ADAMTS17: variants seen among roughly 807,000 people sequenced by gnomAD.
ADAMTS17 encodes A disintegrin and metalloproteinase with thrombospondin motifs 17.
ADAMTS17 carries 113 observed loss-of-function variants against 141.5 expected under a neutral mutation model. The ratio of observed to expected loss-of-function variants is 0.80; its 90% CI spans 0.69 to 0.93. The LOEUF (loss-of-function observed/expected upper bound fraction) is 0.93, where lower values mean the gene tolerates loss of function less well. Ranked by LOEUF, ADAMTS17 falls within the 40% of genes least tolerant of loss-of-function variation. ADAMTS17 has a pLI of 0.00. For synonymous variants in ADAMTS17, 768 were observed against 630.6 expected, an observed-to-expected ratio of 1.22 and a Z score of -3.27; for missense variants, 1,659 against 1,517.9, an observed-to-expected ratio of 1.09 and a Z score of -1.54.
chr15:99,973,999 C>G lies in ADAMTS17; in HGVS notation c.*403G>C. 1 of 326,972 alleles carries G rather than the reference C, an allele frequency of 3.1e-6. No individual in the cohort carries two copies. The highest frequency in any genetic ancestry group is 5.9e-6 in the Non-Finnish European group (1 of 170,144). 20.3% of individuals were successfully genotyped at this position (326,972 alleles called of 1,614,324 possible). ...GGTGTCGCCGGCTTTCAGAATAAAG[C>G]CTTTTCTAGCATGTCTCGTTTTGGG... On this transcript the variant is annotated 3_prime_UTR_variant, in exon 22 of 22. Coordinates refer to ENST00000268070, the MANE Select transcript of ADAMTS17 (RefSeq NM_139057.4).
chr15:100,011,584 C>T (rs1028398458), intron 18 of ADAMTS17, among the ~76,000 whole-genome samples: 3 of 152,058 alleles, frequency 2.0e-5, no homozygotes, highest in African/African-American at 7.3e-5. Flanking sequence ...TTCAGAGCTT[C>T]CTATGTGCCA....
chr15:100,230,240 A>C (rs1012592251), intron 7 of ADAMTS17, among the ~76,000 whole-genome samples: 1 of 152,244 alleles, frequency 6.6e-6, no homozygotes, highest in Non-Finnish European at 1.5e-5. Flanking sequence ...CGAAAGCCAC[A>C]CTTGCAGACC....
intron 8 of ADAMTS17, among the ~76,000 whole-genome samples, chr15:100,159,481 T>C (rs1050608652): frequency 6.6e-6 from 1 of 152,254 alleles, no homozygotes; most frequent in South Asian, 2.1e-4. Context: ...TAAATTTGAC[T>C]TAGGGTTTGA....
At chr15:100,262,480 T>A in intron 4 of ADAMTS17, 45 bp from the exon 5 acceptor site, 1 of 1,530,904 alleles carries the variant, frequency 6.5e-7, no homozygotes, top group Non-Finnish European at 8.9e-7. Flanking sequence ...GATAAAAAAT[T>A]TTAAAAATAC....
chr15:100,017,507 C>T (rs999348917), intron 18 of ADAMTS17, among the ~76,000 whole-genome samples: 1 of 152,246 alleles, frequency 6.6e-6, no homozygotes, highest in Non-Finnish European at 1.5e-5. Context: ...GAATGGCCTG[C>T]TTGGGGACCC....
chr15:100,226,184 TTCCGTCCTCAGAGCAG>T (rs2042308213), intron 7 of ADAMTS17, among the ~76,000 whole-genome samples: 1 of 152,250 alleles, frequency 6.6e-6, no homozygotes, highest in Non-Finnish European at 1.5e-5. Flanking sequence ...CTCTGTGCCA[TTCCGTCCTCAGAGCAG>T]TCATGGTCTG....
chr15:100,121,221 C>T (rs1441569528), intron 12 of ADAMTS17, among the ~76,000 whole-genome samples: 2 of 151,994 alleles, frequency 1.3e-5, no homozygotes, highest in Admixed American at 6.5e-5. Flanking sequence ...GGGACACCAT[C>T]GAGTGGATCA....
chr15:100,049,016 TGA>T, intron 17 of ADAMTS17, 24 bp from the exon 18 acceptor site: 1 of 1,614,162 alleles, frequency 6.2e-7, no homozygotes, highest in South Asian at 1.1e-5. Flanking sequence ...CACAGGGAGC[TGA>T]GAGACTGTGG....
chr15:100,052,006 G>A (rs1328932569), intron 16 of ADAMTS17, among the ~76,000 whole-genome samples: 1 of 152,210 alleles, frequency 6.6e-6, no homozygotes, highest in Admixed American at 6.5e-5. Context: ...AGGAGCTTTA[G>A]GATAAGTGAC....
intron 3 of ADAMTS17, among the ~76,000 whole-genome samples, chr15:100,308,346 A>T (rs1436673660): frequency 6.6e-6 from 1 of 152,220 alleles, no homozygotes; most frequent in Non-Finnish European, 1.5e-5. Flanking sequence ...GAAGGAAAAA[A>T]GCAAAAGACG....
chr15:100,180,232 T>C (rs1421231964), intron 8 of ADAMTS17, among the ~76,000 whole-genome samples: 1 of 152,240 alleles, frequency 6.6e-6, no homozygotes. Flanking sequence ...GTTTTCTGCA[T>C]ATGGATATCT....
At chr15:100,075,248 T>C (rs1002537956) in intron 15 of ADAMTS17, among the ~76,000 whole-genome samples, 3 of 152,214 alleles carry the variant, frequency 2.0e-5, no homozygotes, top group Admixed American at 2.0e-4. Flanking sequence ...CTAAGGTAAT[T>C]CCTATAGTTG....
chr15:100,299,055 G>C (rs76267888), intron 3 of ADAMTS17, among the ~76,000 whole-genome samples: 6,384 of 152,084 alleles, frequency 0.042, 158 homozygotes, highest in Middle Eastern at 0.071. Flanking sequence ...TTTTGTCTAA[G>C]GACACCGGTC....
chr15:100,300,265 TCAAC>T (rs1470917671), intron 3 of ADAMTS17, among the ~76,000 whole-genome samples: 1 of 152,002 alleles, frequency 6.6e-6, no homozygotes, highest in African/African-American at 2.4e-5. Flanking sequence ...GAGAGAGTGC[TCAAC>T]CAACCAACCA....
intron 3 of ADAMTS17, among the ~76,000 whole-genome samples, chr15:100,326,457 A>G (rs2045904493): frequency 6.6e-6 from 1 of 152,234 alleles, no homozygotes; most frequent in Non-Finnish European, 1.5e-5. Flanking sequence ...AGCTACAGTT[A>G]TCCCTGGGGC....
intron 4 of ADAMTS17, among the ~76,000 whole-genome samples, chr15:100,268,845 A>T (rs185080825): frequency 1.3e-5 from 2 of 152,340 alleles, no homozygotes; most frequent in East Asian, 3.9e-4. Flanking sequence ...AAAAATAATA[A>T]AGCCAGAAGT....
intron 8 of ADAMTS17, among the ~76,000 whole-genome samples, chr15:100,157,976 C>T (rs1004329350): frequency 6.6e-6 from 1 of 151,364 alleles, no homozygotes; most frequent in Non-Finnish European, 1.5e-5. Context: ...GCAACCTCTG[C>T]CTCCCGCGTT....
intron 4 of ADAMTS17, among the ~76,000 whole-genome samples, chr15:100,276,844 C>T (rs2044114533): frequency 6.6e-6 from 1 of 152,150 alleles, no homozygotes; most frequent in Non-Finnish European, 1.5e-5. Flanking sequence ...AAAACAGCCG[C>T]AGGCAGGAAA....
At chr15:100,087,370 C>T (rs957284556) in intron 15 of ADAMTS17, among the ~76,000 whole-genome samples, 1 of 152,102 alleles carries the variant, frequency 6.6e-6, no homozygotes, top group African/African-American at 2.4e-5. Flanking sequence ...AAAAAATGTC[C>T]AGGACCAGAT....
Sources: gnomAD v4.1 joint callset for allele counts (sites outside exome capture counted in the v4.1 genomes callset) on GRCh38, gnomAD v4.1.1 for gene constraint, MANE v1.5 for transcripts, NCBI Gene and HGNC (gene_info 2026-07-23, HGNC 2026-07-21) for gene names.